The following KIRREL3 variants were observed in gnomAD, a reference collection of about 807,000 sequenced individuals.
KIRREL3 encodes kin of IRRE-like protein 3.
A neutral mutation model predicts 89.7 loss-of-function variants in KIRREL3; 36 were observed. That is an observed-to-expected ratio of 0.40 (90% CI 0.31 to 0.53). The LOEUF (loss-of-function observed/expected upper bound fraction) is 0.53. KIRREL3 is among the 20% of genes least tolerant of loss of function. The probability of loss-of-function intolerance (pLI) is 0.49; values close to 1 mark genes in which losing one functional copy is unlikely to be tolerated. For missense variants in KIRREL3, 864 were observed against 1,056.6 expected (o/e 0.82, Z 2.53); for synonymous variants, 445 against 441.4 (o/e 1.01, Z -0.10).
In KIRREL3 at chr11:126,724,150, T is replaced by G. The variant is rs1341017697; in HGVS notation, c.56-161238A>C. Among the ~76,000 whole-genome samples the G allele has an allele frequency of 6.6e-6, 1 of 152,172 alleles. No homozygotes were observed. Among genetic ancestry groups the G allele is most frequent in the Admixed American group, 6.5e-5 (1 of 15,276 alleles). ...CCTACCCCAACTGTTCCCACTTGAC[T>G]TAAGAGACAATGTGGGGAAGAACAT... On this transcript the variant is annotated intron_variant, in intron 1 of 16. Coordinates refer to ENST00000525144, the MANE Select transcript of KIRREL3 (RefSeq NM_032531.4). This position sits in a 1 kb window ranked among gnomAD's most constrained non-coding sequence, Gnocchi z 4.3.
rs1945584583 is a variant in KIRREL3 at position 126,664,862 on chromosome 11, C to T, written c.56-101950G>A. On this transcript the variant is annotated intron_variant, in intron 1 of 16. Transcript: ENST00000525144. This position sits in a 1 kb window ranked among gnomAD's most constrained non-coding sequence, Gnocchi z 5.4. ...TTAGACAGGGGGGCATTCCCTGCCT[C>T]AACCACAGGTAGCTGGAGCTCATTC... 6.6e-6 allele frequency among the ~76,000 whole-genome samples: 1 copy of T among 152,224 alleles called. No homozygotes were observed. Among genetic ancestry groups the T allele is most frequent in the African/African-American group, 2.4e-5 (1 of 41,454 alleles).
At chr11:126,779,251 C>T (rs530509989) in intron 1 of KIRREL3, among the ~76,000 whole-genome samples, 1 of 152,316 alleles carries the variant, frequency 6.6e-6, no homozygotes, top group African/African-American at 2.4e-5. Context: ...TGAGATCCCA[C>T]AGCTTTATCC....
intron 1 of KIRREL3, among the ~76,000 whole-genome samples, chr11:126,725,294 A>T (rs934909009): frequency 3.3e-5 from 5 of 152,172 alleles, no homozygotes; most frequent in African/African-American, 1.2e-4. Flanking sequence ...GTGCCAAGAG[A>T]TCAAAGATAT....
chr11:126,692,273 G>A (rs527693398), intron 1 of KIRREL3, among the ~76,000 whole-genome samples: 1 of 152,176 alleles, frequency 6.6e-6, no homozygotes, highest in South Asian at 2.1e-4. Context: ...GGCTGGGCAC[G>A]GTGGTTCAGG....
At chr11:126,589,923 G>A (rs1244089729) in intron 1 of KIRREL3, among the ~76,000 whole-genome samples, 6 of 152,170 alleles carry the variant, frequency 3.9e-5, no homozygotes, top group South Asian at 2.1e-4. Flanking sequence ...ACTCCTGAAC[G>A]CTCCTCTTTC....
At chr11:126,855,930 T>C (rs886168558) in intron 1 of KIRREL3, among the ~76,000 whole-genome samples, 1 of 152,170 alleles carries the variant, frequency 6.6e-6, no homozygotes, top group Non-Finnish European at 1.5e-5. Flanking sequence ...AGGGGCTACA[T>C]AGGGAGATTT....
At position 126,561,703 on chromosome 11, in the gene KIRREL3, G is replaced by T. The variant is rs1215234860; in HGVS notation, c.133+1132C>A. Among the ~76,000 whole-genome samples, 1 of 152,220 alleles carries T rather than the reference G, an allele frequency of 6.6e-6. No homozygotes were observed. Among genetic ancestry groups the T allele is most frequent in the Admixed American group, 6.5e-5 (1 of 15,286 alleles). ...TAGCTTTTTGATGCTGTTGGCTTCA[G>T]GCAGGCAGCAAATGGGGGAGGTGAT... On this transcript the variant is annotated intron_variant, in intron 2 of 16. Coordinates refer to ENST00000525144, the MANE Select transcript of KIRREL3 (RefSeq NM_032531.4). The surrounding 1 kb of genome is among the most constrained non-coding windows in gnomAD (Gnocchi z 4.5).
intron 1 of KIRREL3, among the ~76,000 whole-genome samples, chr11:126,731,375 T>A (rs1354854455): frequency 6.6e-6 from 1 of 152,208 alleles, no homozygotes; most frequent in Admixed American, 6.5e-5. Context: ...ACTGTTTGCA[T>A]TGGGTCAGAG....
chr11:126,532,784 G>C (rs895825334), intron 2 of KIRREL3, among the ~76,000 whole-genome samples: 6 of 152,146 alleles, frequency 3.9e-5, no homozygotes, highest in Admixed American at 1.3e-4. Flanking sequence ...CAGTAACACT[G>C]AAACGGTTGA....
At position 126,879,761 on chromosome 11, in the gene KIRREL3, C is replaced by T. The variant is rs1945425202; in HGVS notation, c.55+120694G>A. Reference sequence around the variant, plus strand: ...GAGAATTATCCTTTGGCCAAGAGACCACTTAGAGGAATGGTAAAGGACATC... The same window carrying T: ...GAGAATTATCCTTTGGCCAAGAGACTACTTAGAGGAATGGTAAAGGACATC... On this transcript the variant is annotated intron_variant, in intron 1 of 16. Transcript: ENST00000525144. The surrounding 1 kb of genome is among the most constrained non-coding windows in gnomAD (Gnocchi z 5.4). Among the ~76,000 whole-genome samples, 1 of 152,150 alleles carries T rather than the reference C, an allele frequency of 6.6e-6. No homozygotes were observed.
rs1412028164 is a variant in KIRREL3, at chr11:126,985,456, C to T, written c.55+14999G>A. The stretch of plus-strand genomic sequence containing the variant: ...AAGAGCCACAAAAGGCTTCCTGGGG[C>T]GCTGTGGAATAAGGAAGGAAGGGCA... On this transcript the variant is annotated intron_variant, in intron 1 of 16. Transcript: ENST00000525144. This position sits in a 1 kb window ranked among gnomAD's most constrained non-coding sequence, Gnocchi z 5.3. 4.6e-5 allele frequency among the ~76,000 whole-genome samples: 7 copies of T among 152,024 alleles called. No homozygotes were observed. Among genetic ancestry groups the T allele is most frequent in the East Asian group, 3.9e-4 (2 of 5,156 alleles).
rs56324107 is a variant in KIRREL3 at position 126,918,974 on chromosome 11, ACAT to A, written c.55+81478_55+81480del. ...CATATGTTATAAGATATGTATTGTTACATCATATTATATTATTATTTGTATTAT... is the reference window on the plus strand; with the variant it reads ...CATATGTTATAAGATATGTATTGTTACATATTATATTATTATTTGTATTAT... On this transcript the variant is annotated intron_variant, in intron 1 of 16. Transcript: ENST00000525144. This position sits in a 1 kb window ranked among gnomAD's most constrained non-coding sequence, Gnocchi z 6.5. Among the ~76,000 whole-genome samples the A allele has an allele frequency of 0.33, 48,792 of 149,748 alleles. 8,519 individuals carry two copies. The highest frequency in any genetic ancestry group is 0.56 in the Middle Eastern group (156 of 280).
intron 2 of KIRREL3, among the ~76,000 whole-genome samples, chr11:126,547,741 G>A (rs913838467): frequency 3.3e-5 from 5 of 152,294 alleles, no homozygotes; most frequent in Admixed American, 6.5e-5. Context: ...ATTTGGGGAC[G>A]GCAGTCCTTG....
At chr11:126,580,436 T>C (rs1250832598) in intron 1 of KIRREL3, among the ~76,000 whole-genome samples, 1 of 152,044 alleles carries the variant, frequency 6.6e-6, no homozygotes, top group Non-Finnish European at 1.5e-5. Flanking sequence ...GGAGGAGGAA[T>C]GGCTTGAGCC....
chr11:126,763,514 G>A lies in KIRREL3; in HGVS notation c.56-200602C>T, dbSNP rs189646874. Reference sequence around the variant, plus strand: ...TTCTTTTGAGAATTCTAGTCTCTCTGGGGCCACATGACACCCGAACACACA... The same window carrying A: ...TTCTTTTGAGAATTCTAGTCTCTCTAGGGCCACATGACACCCGAACACACA... On this transcript the variant is annotated intron_variant, in intron 1 of 16. Transcript: ENST00000525144. The surrounding 1 kb of genome is among the most constrained non-coding windows in gnomAD (Gnocchi z 4.7). Among the ~76,000 whole-genome samples, 68 of 152,272 alleles carry A rather than the reference G, an allele frequency of 4.5e-4. No homozygotes were observed. Among genetic ancestry groups the A allele is most frequent in the African/African-American group, 1.6e-3 (68 of 41,552 alleles).
chr11:126,678,338 C>T (rs111394194), intron 1 of KIRREL3, among the ~76,000 whole-genome samples: 2,685 of 152,174 alleles, frequency 0.018, 102 homozygotes, highest in African/African-American at 0.061. Context: ...TGGTGGCTCA[C>T]GCCTGTAATC....
At chr11:126,731,346 G>A (rs1158418498) in intron 1 of KIRREL3, among the ~76,000 whole-genome samples, 1 of 151,940 alleles carries the variant, frequency 6.6e-6, no homozygotes, top group Non-Finnish European at 1.5e-5. Context: ...CCTATCCCAG[G>A]GTCCATCCCG....
intron 4 of KIRREL3, among the ~76,000 whole-genome samples, chr11:126,510,885 G>T (rs559417727): frequency 8.5e-5 from 13 of 152,308 alleles, no homozygotes; most frequent in African/African-American, 2.4e-4. Flanking sequence ...TCTCTCTGCT[G>T]TTGCTCCTCT....
At chr11:126,928,601 G>C (rs1947815003) in intron 1 of KIRREL3, among the ~76,000 whole-genome samples, 1 of 152,186 alleles carries the variant, frequency 6.6e-6, no homozygotes, top group African/African-American at 2.4e-5. Context: ...GGCAGGACTG[G>C]GGCTATTTCA....
Sources: allele counts gnomAD v4.1 joint callset (sites outside exome capture counted in the v4.1 genomes callset), GRCh38; gene constraint gnomAD v4.1.1; non-coding constraint Gnocchi (gnomAD v3.1); transcripts MANE v1.5; gene names NCBI Gene and HGNC (gene_info 2026-07-23, HGNC 2026-07-21).